The following MMP26 variants were observed in gnomAD, a reference collection of about 807,000 sequenced individuals.
MMP26 encodes matrix metallopeptidase 26, also known as matrix metalloproteinase-26.
A neutral mutation model predicts 31.0 loss-of-function variants in MMP26; 33 were observed. The observed-to-expected ratio is 1.06, with a 90% CI of 0.81 to 1.42. MMP26 has a LOEUF of 1.42. Ranked by LOEUF, MMP26 falls within the 40% of genes most tolerant of loss-of-function variation. The pLI, the probability that MMP26 is intolerant of heterozygous loss-of-function variation, is 0.00. For missense variants in MMP26, 347 were observed against 316.1 expected (o/e 1.10, Z -0.74); for synonymous variants, 122 against 114.9 (o/e 1.06, Z -0.40).
intron 2 of MMP26, chr11:4,847,413 A>C (rs1460777818): frequency 6.6e-6 from 1 of 152,220 alleles, no homozygotes; most frequent in Non-Finnish European, 1.5e-5. Context: ...GATGTAATTT[A>C]AGATTATTCT....
intron 2 of MMP26, chr11:4,882,684 T>A: frequency 6.2e-7 from 1 of 1,613,962 alleles, no homozygotes; most frequent in Non-Finnish European, 8.5e-7. Context: ...AGCCTCTCTT[T>A]GGCACACCGC....
At chr11:4,734,058 A>G (rs1340761648) in intron 1 of MMP26, among the ~76,000 whole-genome samples, 2 of 152,042 alleles carry the variant, frequency 1.3e-5, no homozygotes, top group African/African-American at 4.8e-5. Flanking sequence ...ATGTTGCTGG[A>G]TTTAGTTTGC....
chr11:4,986,932 C>CTCTCCCCCTCTCT, intron 2 of MMP26, among the ~76,000 whole-genome samples: 2 of 60,448 alleles, frequency 3.3e-5, no homozygotes, highest in East Asian at 9.3e-4. Context: ...TCTCTCTCTC[C>CTCTCCCCCTCTCT]CTCTCTCTCT....
At chr11:4,823,377 T>TGTC (rs1482732551) in intron 2 of MMP26, among the ~76,000 whole-genome samples, 3 of 152,126 alleles carry the variant, frequency 2.0e-5, no homozygotes, top group Non-Finnish European at 4.4e-5. Flanking sequence ...ATCCACAGAC[T>TGTC]TCAGACAACT....
At chr11:4,931,871 AT>A (rs1851352412) in intron 2 of MMP26, among the ~76,000 whole-genome samples, 1 of 152,068 alleles carries the variant, frequency 6.6e-6, no homozygotes, top group Admixed American at 6.6e-5. Context: ...AATAATTCTC[AT>A]TTTACTGCCT....
chr11:4,707,625 A>T (rs1847797232), intron 1 of MMP26, among the ~76,000 whole-genome samples: 1 of 152,226 alleles, frequency 6.6e-6, no homozygotes, highest in Non-Finnish European at 1.5e-5. Context: ...TGTCTCAAAG[A>T]TAAATATCAG....
intron 2 of MMP26, chr11:4,943,248 C>G (rs7128334): frequency 0.015 from 2,778 of 187,408 alleles, 90 homozygotes; most frequent in African/African-American, 0.062. Context: ...TTGAACTTGC[C>G]TTTTGGTAAG....
At chr11:4,707,360 C>A (rs1169514466) in intron 1 of MMP26, among the ~76,000 whole-genome samples, 1 of 152,096 alleles carries the variant, frequency 6.6e-6, no homozygotes, top group Non-Finnish European at 1.5e-5. Flanking sequence ...TCCTTTGTCC[C>A]TTTTTAAATT....
chr11:4,708,513 T>C (rs1017042294), intron 1 of MMP26, among the ~76,000 whole-genome samples: 3 of 152,218 alleles, frequency 2.0e-5, no homozygotes, highest in African/African-American at 7.2e-5. Flanking sequence ...CTAATTCTAA[T>C]GCACACACTA....
chr11:4,822,243 C>A, intron 2 of MMP26: 1 of 1,575,682 alleles, frequency 6.3e-7, no homozygotes, highest in Non-Finnish European at 8.6e-7. Context: ...CTCCATTTGT[C>A]CACATCATCA....
chr11:4,819,177 A>T (rs968777258), intron 2 of MMP26, among the ~76,000 whole-genome samples: 5 of 152,192 alleles, frequency 3.3e-5, no homozygotes, highest in African/African-American at 1.2e-4. Flanking sequence ...CCCATGAAAA[A>T]TCTAGATGGA....
chr11:4,714,920 T>A (rs11033498), intron 1 of MMP26, among the ~76,000 whole-genome samples: 171 of 141,778 alleles, frequency 1.2e-3, no homozygotes, highest in South Asian at 5.3e-3. Flanking sequence ...TCTCTCTCTC[T>A]CACACACACA....
At chr11:4,741,891 C>T (rs1253476324) in intron 1 of MMP26, among the ~76,000 whole-genome samples, 2 of 151,940 alleles carry the variant, frequency 1.3e-5, no homozygotes, top group African/African-American at 2.4e-5. Context: ...TATAATCAGC[C>T]AGAAAAAGAG....
chr11:4,893,789 G>A (rs1191862278), intron 2 of MMP26, among the ~76,000 whole-genome samples: 1 of 151,976 alleles, frequency 6.6e-6, no homozygotes, highest in Non-Finnish European at 1.5e-5. Context: ...TTTATAAAAT[G>A]TATCTTATTA....
chr11:4,798,202 G>C (rs566364955), intron 2 of MMP26, among the ~76,000 whole-genome samples: 1 of 152,174 alleles, frequency 6.6e-6, no homozygotes, highest in Admixed American at 6.5e-5. Context: ...GTGGGGATGG[G>C]GTGAAGGGAA....
intron 1 of MMP26, among the ~76,000 whole-genome samples, chr11:4,706,802 A>G (rs1847786898): frequency 6.6e-6 from 1 of 152,056 alleles, no homozygotes; most frequent in Admixed American, 6.6e-5. Flanking sequence ...TGCAATCACC[A>G]TTCTAGTTTC....
At chr11:4,925,381 A>G (rs1268885517) in intron 2 of MMP26, among the ~76,000 whole-genome samples, 3 of 152,190 alleles carry the variant, frequency 2.0e-5, no homozygotes, top group East Asian at 1.9e-4. Flanking sequence ...GGAAAAGTCT[A>G]TGAATAGACA....
At chr11:4,727,489 G>C (rs1842530340) in intron 1 of MMP26, among the ~76,000 whole-genome samples, 1 of 152,014 alleles carries the variant, frequency 6.6e-6, no homozygotes, top group African/African-American at 2.4e-5. Flanking sequence ...GTTTGGTTTA[G>C]TACAAGGTAC....
At position 4,954,653 on chromosome 11, in the gene MMP26, T is replaced by A; in HGVS notation, c.-144-33415T>A. On this transcript the variant is annotated intron_variant, in intron 2 of 7. Coordinates refer to ENST00000380390, the MANE Select transcript of MMP26 (RefSeq NM_021801.5). ...TTCTCAGTATCTAGAGTGAATAAAA[T>A]AAGTCTGTGATAACGATAAAAATAT... The A allele has an allele frequency of 4.7e-6, 3 of 633,386 alleles. 1 individual carries two copies. The Admixed American group carries it at 1.0e-4, about 21-fold the overall frequency. The allele number at this position is 633,386 out of a possible 1,614,324, so 39.2% of individuals were successfully genotyped here.
Sources: gnomAD v4.1 joint callset for allele counts (sites outside exome capture counted in the v4.1 genomes callset) on GRCh38, gnomAD v4.1.1 for gene constraint, MANE v1.5 for transcripts, NCBI Gene and HGNC (gene_info 2026-07-23, HGNC 2026-07-21) for gene names.